Variants in MORN5 observed in about 807,000 individuals in gnomAD.
MORN5 encodes the protein MORN repeat containing 5.
In MORN5, 21 loss-of-function variants were observed where a neutral mutation model predicts 22.1. The observed-to-expected ratio is 0.95, with a 90% CI of 0.67 to 1.37. MORN5 has a LOEUF of 1.37. Among genes scored for constraint, MORN5 ranks in the 40% most tolerant of loss-of-function variants. The pLI is 0.00. For missense variants in MORN5, 211 were observed against 215.1 expected (o/e 0.98, Z 0.12); for synonymous variants, 73 against 74.0 (o/e 0.99, Z 0.07).
chr9:122,187,985 G>C (rs1486692635), intron 4 of MORN5, among the ~76,000 whole-genome samples: 6 of 152,188 alleles, frequency 3.9e-5, no homozygotes, highest in Admixed American at 3.9e-4. Flanking sequence ...AGATGCAGGG[G>C]TACAGGGTGC....
At position 122,169,753 on chromosome 9, in the gene MORN5, GCAGGTACC is replaced by G. The variant is rs1564416243; in HGVS notation, c.307+2_307+9del. Reference sequence around the variant, plus strand: ...AGAGATCCTCAATGGCTTGAAGCCTGCAGGTACCCAGGCACCCACCCTTTCCTTCATAC... The same window carrying G: ...AGAGATCCTCAATGGCTTGAAGCCTGCAGGCACCCACCCTTTCCTTCATAC... On this transcript the variant is annotated splice_donor_variant and splice_donor_5th_base_variant and coding_sequence_variant and intron_variant, in exon 3 of 5. Coordinates refer to ENST00000373764, the MANE Select transcript of MORN5 (RefSeq NM_198469.4). LOFTEE classifies it high-confidence loss of function. The G allele has an allele frequency of 3.1e-6, 5 of 1,607,702 alleles. No individual in the cohort carries two copies. The highest frequency in any genetic ancestry group is 2.6e-6 in the Non-Finnish European group (3 of 1,174,070).
intron 1 of MORN5, 130 bp downstream of exon 1, chr9:122,160,149 C>A (rs1476832342): frequency 4.1e-6 from 3 of 740,246 alleles, no homozygotes; most frequent in African/African-American, 3.5e-5. Context: ...TTTTCAAGGA[C>A]CATATCTAAT....
At chr9:122,167,717 A>G (rs1829308586) in intron 2 of MORN5, among the ~76,000 whole-genome samples, 1 of 152,248 alleles carries the variant, frequency 6.6e-6, no homozygotes, top group Non-Finnish European at 1.5e-5. Flanking sequence ...TGTTGGTACT[A>G]TAACAGGTTA....
intron 3 of MORN5, among the ~76,000 whole-genome samples, chr9:122,171,891 G>A (rs772796008): frequency 1.3e-4 from 19 of 149,786 alleles, no homozygotes; most frequent in Admixed American, 2.7e-4. Context: ...ACCTGACTCC[G>A]GAGATCCCCA....
chr9:122,178,246 TAGGAGGCAAAGG>T (rs566061435), intron 4 of MORN5, among the ~76,000 whole-genome samples: 34 of 152,200 alleles, frequency 2.2e-4, no homozygotes, highest in Middle Eastern at 6.8e-3. Flanking sequence ...CCTAGCACTT[TAGGAGGCAAAGG>T]CAGGCGGATC....
chr9:122,189,886 G>A (rs558215507), intron 4 of MORN5, among the ~76,000 whole-genome samples: 10 of 152,244 alleles, frequency 6.6e-5, no homozygotes, highest in African/African-American at 1.7e-4. Flanking sequence ...GATTACAGGC[G>A]TGAGCCACCG....
chr9:122,172,166 G>C (rs7874619), intron 3 of MORN5, among the ~76,000 whole-genome samples: 73,653 of 148,902 alleles, frequency 0.49, 18,764 homozygotes, highest in Middle Eastern at 0.56. Context: ...AGAGATGGGT[G>C]TTGCCATGTT....
At chr9:122,171,466 T>G (rs1829365357) in intron 3 of MORN5, among the ~76,000 whole-genome samples, 1 of 152,134 alleles carries the variant, frequency 6.6e-6, no homozygotes, top group Non-Finnish European at 1.5e-5. Context: ...GCTCTCTGGC[T>G]TAGGCATTTT....
At chr9:122,179,257 G>T (rs1343572974) in intron 4 of MORN5, among the ~76,000 whole-genome samples, 2 of 152,194 alleles carry the variant, frequency 1.3e-5, no homozygotes, top group Non-Finnish European at 2.9e-5. Context: ...GAGATGGGCG[G>T]GGTGAGGACA....
chr9:122,186,942 AGCCAGATCTGCAAGCAG>A (rs1564421802), intron 4 of MORN5, among the ~76,000 whole-genome samples: 1 of 152,230 alleles, frequency 6.6e-6, no homozygotes, highest in Non-Finnish European at 1.5e-5. Context: ...ATTTAGAGCC[AGCCAGATCTGCAAGCAG>A]ATCCCAACTC....
intron 4 of MORN5, among the ~76,000 whole-genome samples, chr9:122,180,538 G>A (rs938937763): frequency 2.0e-4 from 31 of 152,072 alleles, no homozygotes; most frequent in Admixed American, 5.9e-4. Flanking sequence ...CGCCTGCCTC[G>A]GCTTCCCAAA....
chr9:122,197,584 G>A lies in MORN5; in HGVS notation c.440-2301G>A, dbSNP rs931072864. 6.6e-6 allele frequency among the ~76,000 whole-genome samples: 1 copy of A among 152,280 alleles called. No individual in the cohort carries two copies. On this transcript the variant is annotated intron_variant, in intron 4 of 4. Transcript: ENST00000373764. This position sits in a 1 kb window ranked among gnomAD's most constrained non-coding sequence, Gnocchi z 5.7. ...GGGGAGGCATCTGTGATTCAAATTG[G>A]TGGCTGTACAGCCAGGTAGAGAGTG...
At chr9:122,170,498 G>T (rs749557975) in intron 3 of MORN5, among the ~76,000 whole-genome samples, 1 of 152,150 alleles carries the variant, frequency 6.6e-6, no homozygotes, top group Non-Finnish European at 1.5e-5. Context: ...AAGAGTTAAG[G>T]ACGAAAGCAG....
intron 1 of MORN5, among the ~76,000 whole-genome samples, chr9:122,164,847 T>C (rs1267529292): frequency 6.6e-6 from 1 of 152,228 alleles, no homozygotes; most frequent in Non-Finnish European, 1.5e-5. Context: ...GGCATTCTGC[T>C]ATAGTTTCAC....
intron 3 of MORN5, among the ~76,000 whole-genome samples, chr9:122,173,186 G>GA (rs1334767089): frequency 9.9e-5 from 15 of 152,154 alleles, no homozygotes; most frequent in African/African-American, 3.4e-4. Context: ...CTTCTCCTGT[G>GA]ACCCTCAGAA....
At chr9:122,174,838 G>T in intron 4 of MORN5, 1 of 1,387,916 alleles carries the variant, frequency 7.2e-7, no homozygotes, top group Non-Finnish European at 9.4e-7. Context: ...CACATTCGTG[G>T]TCTAGCAGTG....
chr9:122,167,032 T>A, intron 2 of MORN5, 117 bp downstream of exon 2: 1 of 957,874 alleles, frequency 1.0e-6, no homozygotes, highest in Non-Finnish European at 1.5e-6. Context: ...CACTCTTCTC[T>A]TTGCTTCTCC....
intron 4 of MORN5, among the ~76,000 whole-genome samples, chr9:122,183,612 T>A (rs1829567784): frequency 6.6e-6 from 1 of 152,190 alleles, no homozygotes; most frequent in African/African-American, 2.4e-5. Flanking sequence ...CTCAGTACCA[T>A]CCTCAAAGAA....
intron 4 of MORN5, chr9:122,174,973 G>T (rs1177371668): frequency 1.5e-6 from 1 of 646,446 alleles, no homozygotes; most frequent in African/African-American, 2.0e-5. Context: ...GCAGAGCAAA[G>T]CTGGACACAG....
Sources: allele counts gnomAD v4.1 joint callset (sites outside exome capture counted in the v4.1 genomes callset), GRCh38; gene constraint gnomAD v4.1.1; non-coding constraint Gnocchi (gnomAD v3.1); transcripts MANE v1.5; gene names NCBI Gene and HGNC (gene_info 2026-07-23, HGNC 2026-07-21).